The following LINGO2 variants were observed in gnomAD, a reference collection of about 807,000 sequenced individuals.
LINGO2 encodes leucine-rich repeat and immunoglobulin-like domain-containing nogo receptor-interacting protein 2.
A neutral mutation model predicts 30.6 loss-of-function variants in LINGO2; 14 were observed. The observed-to-expected ratio is 0.46, with a 90% CI of 0.30 to 0.72. The LOEUF is 0.72. Among genes scored for constraint, LINGO2 ranks in the 30% least tolerant of loss-of-function variants. LINGO2 has a pLI of 0.07. For synonymous variants in LINGO2, 317 were observed against 288.5 expected, an observed-to-expected ratio of 1.10 and a Z score of -1.00; for missense variants, 729 against 751.7, an observed-to-expected ratio of 0.97 and a Z score of 0.35.
At chr9:28,800,048 A>G in the LINGO2 span, among the ~76,000 whole-genome samples, 1 of 152,080 alleles carries the variant, frequency 6.6e-6, no homozygotes, top group Non-Finnish European at 1.5e-5. Flanking sequence ...CAAAGATTCT[A>G]TGGTATTTGA....
chr9:28,644,107 C>T (rs1827726910), intron 1 of LINGO2, among the ~76,000 whole-genome samples: 1 of 151,838 alleles, frequency 6.6e-6, no homozygotes, highest in Non-Finnish European at 1.5e-5. Context: ...AGCACAATCA[C>T]TATGGATAGT....
In LINGO2 at chr9:28,639,878, T is replaced by G. The variant is rs375134788; in HGVS notation, c.-365+30322A>C. On this transcript the variant is annotated intron_variant, in intron 1 of 5. Transcript: ENST00000379992. ...TCCTGTCATTATGATGTTAGCTGGT[T>G]ATTTTGCTCGTTAGTTGATGCAGTT... is the stretch of plus-strand genomic sequence containing the variant. Among the ~76,000 whole-genome samples, 205 of 152,092 alleles carry G rather than the reference T, an allele frequency of 1.3e-3. 3 individuals carry two copies. The East Asian group carries it at 0.028, about 21-fold the overall frequency.
At chr9:28,775,530 G>A in the LINGO2 span, among the ~76,000 whole-genome samples, 3 of 152,144 alleles carry the variant, frequency 2.0e-5, no homozygotes, top group African/African-American at 7.2e-5. Context: ...TGTTCTAGAT[G>A]CCATGGGAAA....
At chr9:29,004,080 C>G in the LINGO2 span, among the ~76,000 whole-genome samples, 4 of 151,958 alleles carry the variant, frequency 2.6e-5, no homozygotes, top group South Asian at 2.1e-4. Flanking sequence ...TCAAGTACTG[C>G]CTAAGGTACA....
intron 3 of LINGO2, among the ~76,000 whole-genome samples, chr9:28,340,409 C>T (rs1474804345): frequency 6.6e-6 from 1 of 152,056 alleles, no homozygotes; most frequent in Non-Finnish European, 1.5e-5. Flanking sequence ...ATCGAGAACA[C>T]ATTACATTCT....
chr9:28,561,232 C>A (rs562281651), intron 1 of LINGO2, among the ~76,000 whole-genome samples: 1 of 151,998 alleles, frequency 6.6e-6, no homozygotes, highest in South Asian at 2.1e-4. Context: ...TGCCCAACCA[C>A]CCTATAGAAA....
At chr9:28,515,675 GA>G (rs1820593288) in intron 1 of LINGO2, among the ~76,000 whole-genome samples, 1 of 152,214 alleles carries the variant, frequency 6.6e-6, no homozygotes, top group Middle Eastern at 3.2e-3. Context: ...TCTCATTAAA[GA>G]AAGTGGTTTC....
At chr9:28,140,092 C>A (rs1827630907) in intron 4 of LINGO2, among the ~76,000 whole-genome samples, 1 of 152,196 alleles carries the variant, frequency 6.6e-6, no homozygotes. Flanking sequence ...AATGTCCCAT[C>A]TAAGCCAGGC....
chr9:28,593,936 A>G (rs1422910942), intron 1 of LINGO2, among the ~76,000 whole-genome samples: 1 of 152,076 alleles, frequency 6.6e-6, no homozygotes, highest in African/African-American at 2.4e-5. Context: ...ATCATCATGG[A>G]TATCCTATGT....
intron 4 of LINGO2, among the ~76,000 whole-genome samples, chr9:28,222,998 T>C (rs1055617746): frequency 2.0e-5 from 3 of 152,014 alleles, no homozygotes; most frequent in Non-Finnish European, 2.9e-5. Flanking sequence ...CAAGATACAG[T>C]CATGACTTGA....
chr9:28,391,226 A>C (rs754463650), intron 2 of LINGO2, among the ~76,000 whole-genome samples: 3 of 152,198 alleles, frequency 2.0e-5, no homozygotes, highest in Non-Finnish European at 4.4e-5. Context: ...TCAGCACCAC[A>C]CTGATTAAGA....
At chr9:28,310,970 TGGG>T (rs1824592511) in intron 3 of LINGO2, among the ~76,000 whole-genome samples, 1 of 152,132 alleles carries the variant, frequency 6.6e-6, no homozygotes, top group African/African-American at 2.4e-5. Context: ...ATACTAATAT[TGGG>T]GGAAATTCAG....
the LINGO2 span, among the ~76,000 whole-genome samples, chr9:28,914,873 C>T: frequency 2.0e-5 from 3 of 152,186 alleles, no homozygotes; most frequent in Non-Finnish European, 4.4e-5. Flanking sequence ...TGGCTCACGC[C>T]TGTAATCCCA....
chr9:28,687,658 T>C, the LINGO2 span, among the ~76,000 whole-genome samples: 1 of 152,182 alleles, frequency 6.6e-6, no homozygotes, highest in African/African-American at 2.4e-5. Context: ...ATCATATTAA[T>C]CTCTGCAAGC....
intron 5 of LINGO2, among the ~76,000 whole-genome samples, chr9:27,954,088 T>A (rs1819447911): frequency 6.6e-6 from 1 of 152,218 alleles, no homozygotes; most frequent in Non-Finnish European, 1.5e-5. Flanking sequence ...ATACATAATA[T>A]TTGTACGTAT....
At chr9:28,826,934 G>A in the LINGO2 span, among the ~76,000 whole-genome samples, 1 of 152,038 alleles carries the variant, frequency 6.6e-6, no homozygotes, top group Non-Finnish European at 1.5e-5. Context: ...CTGAAACCCA[G>A]TTTCTGAGTG....
intron 4 of LINGO2, among the ~76,000 whole-genome samples, chr9:28,225,151 A>G (rs1425245944): frequency 6.6e-6 from 1 of 152,200 alleles, no homozygotes; most frequent in African/African-American, 2.4e-5. Flanking sequence ...TTGGATGTCT[A>G]TATTTGAAGG....
At chr9:28,673,667 GATCATCATCATCATC>G (rs139919509), upstream of LINGO2, among the ~76,000 whole-genome samples, 16 of 147,060 alleles carry the variant, frequency 1.1e-4, no homozygotes, top group African/African-American at 1.5e-4. Context: ...ACTCTGTCTC[GATCATCATCATCATC>G]ATCATCATCA....
intron 2 of LINGO2, among the ~76,000 whole-genome samples, chr9:28,384,549 A>G (rs1036964731): frequency 9.9e-5 from 15 of 151,838 alleles, no homozygotes; most frequent in African/African-American, 3.6e-4. Context: ...TATTTTTAAA[A>G]CAAACACTTC....
Sources: gnomAD v4.1 joint callset for allele counts (sites outside exome capture counted in the v4.1 genomes callset) on GRCh38, gnomAD v4.1.1 for gene constraint, MANE v1.5 for transcripts, NCBI Gene and HGNC (gene_info 2026-07-23, HGNC 2026-07-21) for gene names.